TRPC5: variants seen among roughly 807,000 people sequenced by gnomAD.
The protein encoded by TRPC5 is transient receptor potential cation channel subfamily C member 5, also known as short transient receptor potential channel 5.
A neutral mutation model predicts 56.5 loss-of-function variants in TRPC5; 9 were observed. That is an observed-to-expected ratio of 0.16 (90% CI 0.10 to 0.28). TRPC5 has a LOEUF of 0.28. Ranked by LOEUF, TRPC5 falls within the 10% of genes least tolerant of loss-of-function variation. The probability of loss-of-function intolerance (pLI) is 1.00; values close to 1 mark genes in which losing one functional copy is unlikely to be tolerated. For missense variants in TRPC5, 469 were observed against 748.9 expected, an observed-to-expected ratio of 0.63 and a Z score of 4.36; for synonymous variants, 282 against 278.5, an observed-to-expected ratio of 1.01 and a Z score of -0.13.
At position 112,016,220 on chromosome X, in the gene TRPC5, G is replaced by A. The variant is rs201841578; in HGVS notation, c.-21-63779C>T. Among the ~76,000 whole-genome samples, 13 of 111,253 alleles carry A rather than the reference G, an allele frequency of 1.2e-4. No individual in the cohort carries two copies. In the East Asian group the frequency reaches 3.4e-3, roughly 29 times the overall value. On this transcript the variant is annotated intron_variant, in intron 1 of 10. Coordinates refer to ENST00000262839, the MANE Select transcript of TRPC5 (RefSeq NM_012471.3). ...GTGATTCTGTTTGCTTAGAATGACC[G>A]GCAAGGCGGCTCCTGCATTTGCCAT... is the stretch of plus-strand genomic sequence containing the variant.
intron 2 of TRPC5, among the ~76,000 whole-genome samples, chrX:111,925,575 T>C (rs915020545): frequency 8.9e-6 from 1 of 112,032 alleles, no homozygotes; most frequent in Non-Finnish European, 1.9e-5. Flanking sequence ...ACTCTTTTCT[T>C]TCTGATATCC....
At chrX:111,902,344 C>A (rs1332165530) in intron 3 of TRPC5, 3 of 365,303 alleles carry the variant, frequency 8.2e-6, no homozygotes, top group African/African-American at 7.9e-5. Flanking sequence ...TGATTTACTT[C>A]TAGCAAAAGC....
At chrX:111,933,329 C>T (rs1363584869) in intron 2 of TRPC5, among the ~76,000 whole-genome samples, 1 of 110,883 alleles carries the variant, frequency 9.0e-6, no homozygotes. Context: ...AAATATTGAG[C>T]GGGCTGGGGT....
In TRPC5 at chrX:111,838,682, C is replaced by T. The variant is rs185230225; in HGVS notation, c.1701-3566G>A. Among the ~76,000 whole-genome samples, 25 of 111,841 alleles carry T rather than the reference C, an allele frequency of 2.2e-4. No individual in the cohort carries two copies. In the East Asian group the frequency reaches 6.5e-3, roughly 29 times the overall value. ...GGCATAGACTGAAGATACAAAGATT[C>T]AAGAAAACTTGATATTAAATGCACA... On this transcript the variant is annotated intron_variant, in intron 6 of 10. Transcript: ENST00000262839.
chrX:111,914,717 A>T (rs1423684259), intron 2 of TRPC5, among the ~76,000 whole-genome samples: 2 of 112,368 alleles, frequency 1.8e-5, no homozygotes, highest in Non-Finnish European at 3.8e-5. Flanking sequence ...CTCATAAAGT[A>T]AATTGGACAC....
chrX:111,871,296 T>C (rs1159698440), intron 3 of TRPC5, among the ~76,000 whole-genome samples: 1 of 109,984 alleles, frequency 9.1e-6, no homozygotes, highest in Non-Finnish European at 1.9e-5. Context: ...CAACACCAAA[T>C]AGATGGAAGC....
At chrX:112,046,444 G>T (rs976253458) in intron 1 of TRPC5, among the ~76,000 whole-genome samples, 7 of 110,641 alleles carry the variant, frequency 6.3e-5, no homozygotes, top group Non-Finnish European at 1.3e-4. Flanking sequence ...CCAGAGCTTG[G>T]ATCAGTAGCT....
chrX:111,966,582 A>C (rs1260666344), intron 1 of TRPC5, among the ~76,000 whole-genome samples: 2 of 111,904 alleles, frequency 1.8e-5, no homozygotes, highest in Non-Finnish European at 3.8e-5. Flanking sequence ...AATCCTCAAT[A>C]AAATACTGGC....
chrX:111,864,532 T>C (rs984863146), intron 3 of TRPC5, among the ~76,000 whole-genome samples: 3 of 111,607 alleles, frequency 2.7e-5, no homozygotes, highest in Non-Finnish European at 5.6e-5. Context: ...TCTCTGGGGA[T>C]GGGTCTATTT....
At chrX:111,865,540 A>G (rs1274012980) in intron 3 of TRPC5, among the ~76,000 whole-genome samples, 1 of 108,418 alleles carries the variant, frequency 9.2e-6, no homozygotes, top group African/African-American at 3.4e-5. Context: ...GTTGGCCAGG[A>G]TGGTCTTGAT....
chrX:112,038,595 TA>T (rs1380800511), intron 1 of TRPC5, among the ~76,000 whole-genome samples: 1 of 112,541 alleles, frequency 8.9e-6, no homozygotes, highest in Non-Finnish European at 1.9e-5. Flanking sequence ...AGACTGGAAA[TA>T]AAACATTCAA....
rs1389308200 is a variant in TRPC5 at position 111,909,359 on chromosome X, T to TAAA, written c.900+2931_900+2932insTTT. 1.6e-3 allele frequency among the ~76,000 whole-genome samples: 169 copies of TAAA among 102,781 alleles called. 1 individual carries two copies. The highest frequency in any genetic ancestry group is 6.2e-3 in the African/African-American group (162 of 26,053). The allele number at this position is 102,781 out of a possible 115,157, so 89.3% of individuals were successfully genotyped here. A position where few individuals can be genotyped will look rare whatever the true frequency, so the allele number is the denominator to read the frequency against. The stretch of plus-strand genomic sequence containing the variant: ...ATAAATAAATAAATAAATAAATAAA[T>TAAA]TAATTAATTAATTTTTTAAGTGTGT... On this transcript the variant is annotated intron_variant, in intron 3 of 10. Transcript: ENST00000262839.
chrX:111,927,454 T>C (rs12389100), intron 2 of TRPC5, among the ~76,000 whole-genome samples: 5,923 of 112,144 alleles, frequency 0.053, 375 homozygotes, highest in African/African-American at 0.18. Flanking sequence ...TGCTGAGCTA[T>C]TGCCCTAGTT....
intron 1 of TRPC5, among the ~76,000 whole-genome samples, chrX:112,022,705 G>A (rs1361221326): frequency 8.9e-6 from 1 of 111,894 alleles, no homozygotes; most frequent in Non-Finnish European, 1.9e-5. Context: ...AAATTCGACT[G>A]GTAATGCCCT....
chrX:111,811,744 T>C (rs1395561703), intron 7 of TRPC5, among the ~76,000 whole-genome samples: 1 of 111,246 alleles, frequency 9.0e-6, no homozygotes, highest in East Asian at 2.8e-4. Flanking sequence ...AGAATGGTTG[T>C]AGAAGTCAAT....
chrX:111,791,071 T>A (rs1946017426), intron 7 of TRPC5, among the ~76,000 whole-genome samples: 1 of 70,561 alleles, frequency 1.4e-5, no homozygotes, highest in African/African-American at 5.1e-5. Flanking sequence ...CCCTCTCACC[T>A]CCTCAGGGAA....
intron 2 of TRPC5, among the ~76,000 whole-genome samples, chrX:111,945,102 C>A (rs761220541): frequency 1.0e-4 from 11 of 110,195 alleles, no homozygotes; most frequent in Non-Finnish European, 2.1e-4. Flanking sequence ...CAGAAATCTG[C>A]ATTTTGACAA....
At chrX:111,837,990 T>G (rs1475508517) in intron 6 of TRPC5, among the ~76,000 whole-genome samples, 3 of 109,067 alleles carry the variant, frequency 2.8e-5, no homozygotes, top group African/African-American at 1.0e-4. Context: ...GAGGATTGCT[T>G]GAGCCCAGGA....
At chrX:111,893,760 G>A (rs1196199852) in intron 3 of TRPC5, among the ~76,000 whole-genome samples, 9 of 112,008 alleles carry the variant, frequency 8.0e-5, no homozygotes, top group African/African-American at 2.9e-4. Flanking sequence ...GATGCTTCAT[G>A]GGGATTTTTA....
Sources: allele counts gnomAD v4.1 joint callset (sites outside exome capture counted in the v4.1 genomes callset), GRCh38; gene constraint gnomAD v4.1.1; transcripts MANE v1.5; gene names NCBI Gene and HGNC (gene_info 2026-07-23, HGNC 2026-07-21).